Variants in PHACTR3 observed in about 807,000 individuals in gnomAD.
The protein encoded by PHACTR3 is protein phosphatase 1, regulatory subunit 123.
A neutral mutation model predicts 66.8 loss-of-function variants in PHACTR3; 16 were observed. The ratio of observed to expected loss-of-function variants is 0.24; its 90% confidence interval spans 0.16 to 0.36. PHACTR3 has a LOEUF of 0.36. PHACTR3 is among the 10% of genes least tolerant of loss of function. The pLI is 1.00. For synonymous variants in PHACTR3, 323 were observed against 292.1 expected, an observed-to-expected ratio of 1.11 and a Z score of -1.08; for missense variants, 647 against 719.9, an observed-to-expected ratio of 0.90 and a Z score of 1.16.
At position 59,726,675 on chromosome 20, in the gene PHACTR3, G is replaced by A. The variant is rs77818704; in HGVS notation, c.119-16432G>A. Among the ~76,000 whole-genome samples, 710 of 152,230 alleles carry A rather than the reference G, an allele frequency of 4.7e-3. 8 individuals are homozygous for A. Among genetic ancestry groups the A allele is most frequent in the African/African-American group, 0.016 (675 of 41,554 alleles). ...CCATTTCAACCCTTTTAAAGGGTAC[G>A]ATTCATGTGTGCCAATCATGCTAGA... On this transcript the variant is annotated intron_variant, in intron 1 of 12. Transcript: ENST00000371015.
intron 1 of PHACTR3, among the ~76,000 whole-genome samples, chr20:59,684,061 T>A (rs574057371): frequency 6.6e-6 from 1 of 151,976 alleles, no homozygotes; most frequent in Non-Finnish European, 1.5e-5. Context: ...AAAGAAAGGG[T>A]GGGATTTTTC....
chr20:59,764,028 G>A (rs1056366167), intron 4 of PHACTR3, among the ~76,000 whole-genome samples: 1 of 152,190 alleles, frequency 6.6e-6, no homozygotes, highest in Non-Finnish European at 1.5e-5. Context: ...TTGGTTTTGG[G>A]TAGAATATTT....
chr20:59,582,345 A>C (rs2032887674), intron 1 of PHACTR3, among the ~76,000 whole-genome samples: 1 of 152,178 alleles, frequency 6.6e-6, no homozygotes, highest in African/African-American at 2.4e-5. Flanking sequence ...CCTTTCTGCT[A>C]CCGATGGCCA....
In PHACTR3 at chr20:59,585,751, G is replaced by A. The variant is rs963892316; in HGVS notation, c.109+8134G>A. Reference sequence around the variant, plus strand: ...GCAGGGAGGCCTCCTCTCCTCACCCGCGTGCAGAGGCCCTTGCGGCTCACA... The same window carrying A: ...GCAGGGAGGCCTCCTCTCCTCACCCACGTGCAGAGGCCCTTGCGGCTCACA... On this transcript the variant is annotated intron_variant, in intron 1 of 12. Transcript: ENST00000359926. Among the ~76,000 whole-genome samples the A allele has an allele frequency of 5.3e-5, 8 of 152,348 alleles. No individual in the cohort carries two copies. The East Asian group carries it at 7.7e-4, about 15-fold the overall frequency.
At chr20:59,655,278 A>G (rs1168891035) in intron 1 of PHACTR3, among the ~76,000 whole-genome samples, 1 of 151,990 alleles carries the variant, frequency 6.6e-6, no homozygotes, top group Non-Finnish European at 1.5e-5. Context: ...TTTTATATAT[A>G]GCTTTATTGA....
At chr20:59,716,513 A>G (rs969254888) in intron 1 of PHACTR3, among the ~76,000 whole-genome samples, 8 of 150,972 alleles carry the variant, frequency 5.3e-5, no homozygotes, top group Non-Finnish European at 1.2e-4. Flanking sequence ...TCAGCCACCC[A>G]GATTACAGGC....
chr20:59,735,928 G>A (rs926729624), intron 1 of PHACTR3, among the ~76,000 whole-genome samples: 17 of 152,198 alleles, frequency 1.1e-4, no homozygotes, highest in African/African-American at 3.9e-4. Context: ...CATGAGGTCA[G>A]TGTTCCGTCA....
At chr20:59,649,033 T>C (rs1219393498) in intron 1 of PHACTR3, among the ~76,000 whole-genome samples, 1 of 152,196 alleles carries the variant, frequency 6.6e-6, no homozygotes, top group African/African-American at 2.4e-5. Flanking sequence ...GCGTTGTTGA[T>C]GGATGAGTAT....
At chr20:59,597,945 G>GC in intron 1 of PHACTR3, among the ~76,000 whole-genome samples, 1 of 152,208 alleles carries the variant, frequency 6.6e-6, no homozygotes, top group East Asian at 1.9e-4. Context: ...TTTCCCAGAG[G>GC]CCCCAGAAGC....
intron 1 of PHACTR3, among the ~76,000 whole-genome samples, chr20:59,623,907 T>G (rs960144786): frequency 7.2e-5 from 11 of 152,204 alleles, no homozygotes; most frequent in Non-Finnish European, 1.6e-4. Flanking sequence ...GGTGACCCAC[T>G]GATCTGGGAC....
At chr20:59,689,544 T>C (rs2037026710) in intron 1 of PHACTR3, among the ~76,000 whole-genome samples, 1 of 152,138 alleles carries the variant, frequency 6.6e-6, no homozygotes, top group African/African-American at 2.4e-5. Flanking sequence ...TCCCCTCCCA[T>C]CTGATTGGTT....
At chr20:59,769,627 C>T (rs2040298518) in intron 5 of PHACTR3, among the ~76,000 whole-genome samples, 1 of 152,204 alleles carries the variant, frequency 6.6e-6, no homozygotes, top group African/African-American at 2.4e-5. Context: ...AACCACCTGC[C>T]CCCCAGACAG....
In PHACTR3 at chr20:59,635,101, CTCTTTCTTTCTTTCTTTCTT is replaced by C. The variant is rs1357018312; in HGVS notation, c.118+29999_118+30018del. Among the ~76,000 whole-genome samples the C allele has an allele frequency of 1.3e-3, 122 of 92,986 alleles. 4 individuals are homozygous for C. The highest frequency in any genetic ancestry group is 2.1e-3 in the Non-Finnish European group (102 of 47,994). 61.0% of individuals were successfully genotyped at this position (92,986 alleles called of 152,430 possible). On this transcript the variant is annotated intron_variant, in intron 1 of 12. Coordinates refer to ENST00000371015, the MANE Select transcript of PHACTR3 (RefSeq NM_080672.5). Reference sequence around the variant, plus strand: ...TTCTTTTTTCTTTCTTTCTTTCTCTCTCTTTCTTTCTTTCTTTCTTTCTTTCTTTCTTTCTTTCTTTCTTT... The same window carrying C: ...TTCTTTTTTCTTTCTTTCTTTCTCTCTCTTTCTTTCTTTCTTTCTTTCTTT...
rs560724156 is a variant in PHACTR3 at position 59,635,240 on chromosome 20, T to C, written c.118+30108T>C. ...TCCTTCCTTCTTTCTTTCTTTCTTT[T>C]TTTTTTTTTTTGAGATAGAGTTTTG... is the stretch of plus-strand genomic sequence containing the variant. On this transcript the variant is annotated intron_variant, in intron 1 of 12. Coordinates refer to ENST00000371015, the MANE Select transcript of PHACTR3 (RefSeq NM_080672.5). 1.1e-4 allele frequency among the ~76,000 whole-genome samples: 15 copies of C among 140,350 alleles called. 1 individual carries two copies. The highest frequency in any genetic ancestry group is 2.9e-4 in the African/African-American group (11 of 37,364). 92.1% of individuals were successfully genotyped at this position (140,350 alleles called of 152,430 possible). A position where few individuals can be genotyped will look rare whatever the true frequency, so the allele number is the denominator to read the frequency against.
chr20:59,577,931 C>A (rs2032760508), intron 1 of PHACTR3, among the ~76,000 whole-genome samples: 1 of 152,270 alleles, frequency 6.6e-6, no homozygotes, highest in South Asian at 2.1e-4. Flanking sequence ...TGAGCCTGTG[C>A]GCATGGCGTT....
At chr20:59,742,351 C>T (rs1177997012) in intron 1 of PHACTR3, among the ~76,000 whole-genome samples, 1 of 152,236 alleles carries the variant, frequency 6.6e-6, no homozygotes, top group Admixed American at 6.5e-5. Flanking sequence ...ACAAACAGCA[C>T]TGCCATGAGC....
chr20:59,828,917 G>A (rs775640123), intron 8 of PHACTR3, among the ~76,000 whole-genome samples: 3 of 152,034 alleles, frequency 2.0e-5, no homozygotes, highest in East Asian at 1.9e-4. Context: ...CTGGATCAGG[G>A]AAGTGGCCTT....
At chr20:59,685,601 G>A (rs73142817) in intron 1 of PHACTR3, among the ~76,000 whole-genome samples, 17,277 of 152,164 alleles carry the variant, frequency 0.11, 1,259 homozygotes, top group Non-Finnish European at 0.16. Flanking sequence ...CTGGAGTTCC[G>A]GCCACTCTGG....
chr20:59,745,998 C>T (rs1230727246), intron 2 of PHACTR3, among the ~76,000 whole-genome samples: 1 of 152,214 alleles, frequency 6.6e-6, no homozygotes, highest in Non-Finnish European at 1.5e-5. Context: ...TCGAGGCCTC[C>T]ACCCCTGTTC....
Sources: gnomAD v4.1 joint callset for allele counts (sites outside exome capture counted in the v4.1 genomes callset) on GRCh38, gnomAD v4.1.1 for gene constraint, MANE v1.5 for transcripts, NCBI Gene and HGNC (gene_info 2026-07-23, HGNC 2026-07-21) for gene names.